CACNA2D3: variants seen among roughly 807,000 people sequenced by gnomAD.
CACNA2D3 encodes the protein calcium voltage-gated channel auxiliary subunit alpha2delta 3.
In CACNA2D3, 60 loss-of-function variants were observed where a neutral mutation model predicts 160.6. The ratio of observed to expected loss-of-function variants is 0.37; its 90% CI spans 0.30 to 0.46. The LOEUF is 0.46. Among genes scored for constraint, CACNA2D3 ranks in the 20% least tolerant of loss-of-function variants. The probability of loss-of-function intolerance (pLI) is 1.00; values close to 1 mark genes in which losing one functional copy is unlikely to be tolerated. For missense variants in CACNA2D3, 1,205 were observed against 1,365.0 expected (o/e 0.88, Z 1.85); for synonymous variants, 558 against 492.9 (o/e 1.13, Z -1.75).
chr3:54,401,808 A>G (rs1349556547), intron 4 of CACNA2D3, among the ~76,000 whole-genome samples: 1 of 152,208 alleles, frequency 6.6e-6, no homozygotes, highest in East Asian at 1.9e-4. Context: ...ACAACATATG[A>G]AAGTATAAAA....
intron 13 of CACNA2D3, among the ~76,000 whole-genome samples, chr3:54,787,301 T>C (rs1702660153): frequency 6.6e-6 from 1 of 152,232 alleles, no homozygotes; most frequent in Admixed American, 6.5e-5. Flanking sequence ...CATAAAATCA[T>C]TTAAGCCCCC....
chr3:54,225,787 T>C (rs987635705), intron 2 of CACNA2D3, among the ~76,000 whole-genome samples: 6 of 152,188 alleles, frequency 3.9e-5, no homozygotes, highest in African/African-American at 1.2e-4. Context: ...TTTTTTTTTT[T>C]CTCTTGGCCC....
intron 3 of CACNA2D3, 24 bp downstream of exon 3, chr3:54,320,582 T>C: frequency 1.5e-6 from 2 of 1,362,940 alleles, no homozygotes; most frequent in Non-Finnish European, 2.0e-6. Context: ...TTTTGTGCCC[T>C]GTATCGCCTG....
intron 13 of CACNA2D3, among the ~76,000 whole-genome samples, chr3:54,771,188 T>C (rs955957827): frequency 3.3e-5 from 5 of 152,172 alleles, no homozygotes; most frequent in Admixed American, 2.0e-4. Context: ...GGGTCACTAA[T>C]TGGTGTGTGA....
chr3:54,320,693 G>C (rs1703967002), intron 3 of CACNA2D3, 135 bp downstream of exon 3: 1 of 529,628 alleles, frequency 1.9e-6, no homozygotes, highest in South Asian at 2.8e-5. Flanking sequence ...TATTTTTACA[G>C]TCTGGTTAGC....
At chr3:54,393,884 T>G (rs1211200069) in intron 4 of CACNA2D3, among the ~76,000 whole-genome samples, 1 of 152,214 alleles carries the variant, frequency 6.6e-6, no homozygotes, top group Non-Finnish European at 1.5e-5. Context: ...GACACCCGTC[T>G]TCTTGGGGAG....
At chr3:54,421,503 G>A (rs1240853263) in intron 4 of CACNA2D3, among the ~76,000 whole-genome samples, 1 of 152,022 alleles carries the variant, frequency 6.6e-6, no homozygotes, top group Non-Finnish European at 1.5e-5. Context: ...ACCTGCTCCT[G>A]AGCCAGGAGG....
intron 13 of CACNA2D3, among the ~76,000 whole-genome samples, chr3:54,764,911 C>G (rs545334644): frequency 1.2e-3 from 177 of 152,304 alleles, no homozygotes; most frequent in African/African-American, 4.0e-3. Flanking sequence ...ACAGCAGATT[C>G]TGATGCTGAA....
chr3:54,605,073 T>C (rs1383169186), intron 9 of CACNA2D3, among the ~76,000 whole-genome samples: 3 of 152,192 alleles, frequency 2.0e-5, no homozygotes, highest in Non-Finnish European at 2.9e-5. Flanking sequence ...CTGCAATCTT[T>C]GGTGTTCTCT....
intron 6 of CACNA2D3, among the ~76,000 whole-genome samples, chr3:54,564,208 G>T (rs1047953970): frequency 6.6e-6 from 1 of 152,148 alleles, no homozygotes; most frequent in East Asian, 1.9e-4. Flanking sequence ...AGTAGAAACC[G>T]CAGATCACCT....
intron 35 of CACNA2D3, among the ~76,000 whole-genome samples, chr3:55,023,560 C>G (rs1235673657): frequency 6.6e-6 from 1 of 151,862 alleles, no homozygotes; most frequent in Non-Finnish European, 1.5e-5. Context: ...TTTCTTCTAT[C>G]TGTGTTTTTC....
intron 9 of CACNA2D3, among the ~76,000 whole-genome samples, chr3:54,582,904 A>T (rs1172354528): frequency 1.3e-5 from 2 of 152,230 alleles, no homozygotes; most frequent in African/African-American, 2.4e-5. Flanking sequence ...TGAAAAATAC[A>T]CTAGAGTTAA....
intron 9 of CACNA2D3, among the ~76,000 whole-genome samples, chr3:54,596,410 CTTG>C (rs1559521980): frequency 1.3e-5 from 2 of 152,170 alleles, no homozygotes; most frequent in Non-Finnish European, 2.9e-5. Context: ...TCACCTTCCC[CTTG>C]TTGTTAACAC....
chr3:54,751,648 G>T (rs938467576), intron 11 of CACNA2D3, among the ~76,000 whole-genome samples: 2 of 152,128 alleles, frequency 1.3e-5, no homozygotes, highest in Non-Finnish European at 1.5e-5. Flanking sequence ...AGGCTGGGGA[G>T]GAGCAATAGG....
chr3:54,273,516 G>A (rs942993307), intron 2 of CACNA2D3, among the ~76,000 whole-genome samples: 2 of 152,058 alleles, frequency 1.3e-5, no homozygotes, highest in Non-Finnish European at 2.9e-5. Flanking sequence ...CTCTTGGGTG[G>A]TCCTAGTTAA....
chr3:54,662,539 G>T lies in CACNA2D3; in HGVS notation c.1167+20298G>T, dbSNP rs189214331. ...GCCAAGAATTCCCTGTTTCTCTGCTGTTGGTGGCCCCGTCCATAGGTCGTC... is the reference window on the plus strand; with the variant it reads ...GCCAAGAATTCCCTGTTTCTCTGCTTTTGGTGGCCCCGTCCATAGGTCGTC... On this transcript the variant is annotated intron_variant, in intron 11 of 37. Coordinates refer to ENST00000474759, the MANE Select transcript of CACNA2D3 (RefSeq NM_018398.3). Among the ~76,000 whole-genome samples the T allele has an allele frequency of 6.6e-4, 100 of 152,326 alleles. 4 individuals are homozygous for T. The South Asian group carries it at 0.014, about 22-fold the overall frequency.
intron 2 of CACNA2D3, among the ~76,000 whole-genome samples, chr3:54,130,624 T>C (rs1868512): frequency 0.39 from 58,887 of 152,104 alleles, 11,564 homozygotes; most frequent in East Asian, 0.6. Flanking sequence ...ATTGCGAAGC[T>C]GAGGCTGGCA....
intron 5 of CACNA2D3, among the ~76,000 whole-genome samples, chr3:54,519,676 A>G (rs2106985214): frequency 6.6e-6 from 1 of 152,368 alleles, no homozygotes; most frequent in South Asian, 2.1e-4. Flanking sequence ...TGTGCCAGAA[A>G]GAGTCTTATC....
At chr3:54,235,473 G>A (rs978179169) in intron 2 of CACNA2D3, among the ~76,000 whole-genome samples, 6 of 152,058 alleles carry the variant, frequency 3.9e-5, no homozygotes, top group African/African-American at 7.2e-5. Context: ...GAGGTGCCAC[G>A]CACTTTTAAA....
Sources: allele counts gnomAD v4.1 joint callset (sites outside exome capture counted in the v4.1 genomes callset), GRCh38; gene constraint gnomAD v4.1.1; transcripts MANE v1.5; gene names NCBI Gene and HGNC (gene_info 2026-07-23, HGNC 2026-07-21).